Variants in CLVS1 observed in about 807,000 individuals in gnomAD.
The protein encoded by CLVS1 is clavesin-1.
A neutral mutation model predicts 33.1 loss-of-function variants in CLVS1; 10 were observed. The ratio of observed to expected loss-of-function variants is 0.30; its 90% CI spans 0.19 to 0.51. The LOEUF (loss-of-function observed/expected upper bound fraction) is 0.51. CLVS1 is among the 20% of genes least tolerant of loss of function. The pLI, the probability that CLVS1 is intolerant of heterozygous loss-of-function variation, is 0.97. For missense variants in CLVS1, 343 were observed against 433.4 expected, an observed-to-expected ratio of 0.79 and a Z score of 1.85; for synonymous variants, 163 against 166.1, an observed-to-expected ratio of 0.98 and a Z score of 0.14.
chr8:61,269,454 G>T (rs1204413983), intron 2 of CLVS1, among the ~76,000 whole-genome samples: 1 of 151,916 alleles, frequency 6.6e-6, no homozygotes, highest in African/African-American at 2.4e-5. Context: ...GTAGTGTGAT[G>T]CCTCCAGCTT....
intron 5 of CLVS1, chr8:61,465,237 G>A (rs1375113986): frequency 6.6e-6 from 1 of 152,186 alleles, no homozygotes; most frequent in Non-Finnish European, 1.5e-5. Context: ...GACCCCCATA[G>A]TTCCCTACAT....
chr8:61,328,634 C>G (rs1032570401), intron 2 of CLVS1, among the ~76,000 whole-genome samples: 2 of 152,134 alleles, frequency 1.3e-5, no homozygotes, highest in African/African-American at 4.8e-5. Flanking sequence ...CTGCTCCAGA[C>G]AGAAAATTCC....
the CLVS1 span, among the ~76,000 whole-genome samples, chr8:61,044,512 C>T: frequency 6.6e-6 from 1 of 152,192 alleles, no homozygotes; most frequent in Admixed American, 6.5e-5. Context: ...AACAGGTGGC[C>T]CAGACCTCCA....
chr8:60,985,593 T>C, the CLVS1 span, among the ~76,000 whole-genome samples: 3 of 151,926 alleles, frequency 2.0e-5, no homozygotes, highest in Non-Finnish European at 4.4e-5. Context: ...TGAAACAGAG[T>C]AATAATAAAA....
the CLVS1 span, among the ~76,000 whole-genome samples, chr8:61,016,120 T>C: frequency 6.6e-6 from 1 of 152,220 alleles, no homozygotes; most frequent in Admixed American, 6.5e-5. Context: ...TTAGTACAAA[T>C]ATTGTATAAA....
chr8:61,485,047 G>T (rs1803821940), intron 5 of CLVS1, among the ~76,000 whole-genome samples: 2 of 152,166 alleles, frequency 1.3e-5, no homozygotes, highest in Non-Finnish European at 2.9e-5. Flanking sequence ...AGGACTTCTT[G>T]ACTAAAACAC....
chr8:61,035,456 A>C, the CLVS1 span, among the ~76,000 whole-genome samples: 2 of 152,182 alleles, frequency 1.3e-5, no homozygotes, highest in Admixed American at 1.3e-4. Flanking sequence ...ATTGCCAGCA[A>C]TTTGAATCTG....
chr8:61,460,136 A>T (rs1446663611), intron 5 of CLVS1, among the ~76,000 whole-genome samples: 1 of 152,206 alleles, frequency 6.6e-6, no homozygotes, highest in Non-Finnish European at 1.5e-5. Context: ...ACTTCAGCCC[A>T]TAGCATATTG....
chr8:61,125,707 G>A (rs1585628751), intron 1 of CLVS1, among the ~76,000 whole-genome samples: 1 of 152,292 alleles, frequency 6.6e-6, no homozygotes, highest in Non-Finnish European at 1.5e-5. Context: ...TTTTATTTCA[G>A]GGTCAGAGCA....
chr8:61,065,724 G>A (rs764052444), intron 1 of CLVS1, among the ~76,000 whole-genome samples: 6 of 152,158 alleles, frequency 3.9e-5, no homozygotes, highest in Non-Finnish European at 7.3e-5. Flanking sequence ...CTAAGTAAGG[G>A]TATAATATAT....
At chr8:61,478,248 A>G (rs1335580051) in intron 5 of CLVS1, among the ~76,000 whole-genome samples, 6 of 152,168 alleles carry the variant, frequency 3.9e-5, no homozygotes, top group Admixed American at 1.3e-4. Context: ...TATGTGGTCA[A>G]TTTTGGAATA....
chr8:61,456,141 G>A (rs1563560857), intron 4 of CLVS1, among the ~76,000 whole-genome samples: 2 of 152,176 alleles, frequency 1.3e-5, no homozygotes, highest in Admixed American at 1.3e-4. Context: ...CCATAGGTGG[G>A]CATTTTTGGA....
the CLVS1 span, among the ~76,000 whole-genome samples, chr8:60,972,152 C>G: frequency 6.6e-6 from 1 of 152,066 alleles, no homozygotes; most frequent in African/African-American, 2.4e-5. Context: ...TCTCTCTATG[C>G]TGTCTCACCC....
At chr8:61,035,620 C>T in the CLVS1 span, among the ~76,000 whole-genome samples, 4 of 152,290 alleles carry the variant, frequency 2.6e-5, no homozygotes, top group South Asian at 2.1e-4. Flanking sequence ...GTAATCTAAA[C>T]ACCAGCACAA....
At chr8:61,055,495 A>G (rs1463904046), upstream of CLVS1, among the ~76,000 whole-genome samples, 1 of 152,216 alleles carries the variant, frequency 6.6e-6, no homozygotes, top group East Asian at 1.9e-4. Context: ...GGAATATTCT[A>G]CTTCATGAAT....
chr8:61,338,727 C>T (rs1811895282), intron 2 of CLVS1, among the ~76,000 whole-genome samples: 1 of 152,210 alleles, frequency 6.6e-6, no homozygotes, highest in African/African-American at 2.4e-5. Flanking sequence ...AGTTCTCCCA[C>T]ACTGAGGTCA....
At chr8:61,477,073 G>A (rs1817968672) in intron 5 of CLVS1, among the ~76,000 whole-genome samples, 1 of 152,122 alleles carries the variant, frequency 6.6e-6, no homozygotes, top group Admixed American at 6.6e-5. Flanking sequence ...TTTTGTCTTT[G>A]GTTCTGTTTA....
intron 1 of CLVS1, among the ~76,000 whole-genome samples, chr8:61,112,344 G>A (rs1805644822): frequency 6.6e-6 from 1 of 152,066 alleles, no homozygotes; most frequent in Non-Finnish European, 1.5e-5. Context: ...TAAATTTGCT[G>A]ACATTTAATG....
intron 1 of CLVS1, among the ~76,000 whole-genome samples, chr8:61,069,138 G>C (rs1219529065): frequency 2.6e-5 from 4 of 151,938 alleles, no homozygotes; most frequent in Non-Finnish European, 5.9e-5. Flanking sequence ...GGCTAATTTT[G>C]TAATTTTTTA....
Sources: gnomAD v4.1 joint callset for allele counts (sites outside exome capture counted in the v4.1 genomes callset) on GRCh38, gnomAD v4.1.1 for gene constraint, MANE v1.5 for transcripts, NCBI Gene and HGNC (gene_info 2026-07-23, HGNC 2026-07-21) for gene names.